LMTK2: variants seen among roughly 807,000 people sequenced by gnomAD.
LMTK2 encodes lemur tail kinase 2.
LMTK2 carries 37 observed loss-of-function variants against 127.5 expected under a neutral mutation model. The observed-to-expected ratio is 0.29, with a 90% CI of 0.22 to 0.38. The LOEUF (loss-of-function observed/expected upper bound fraction) is 0.38, where lower values mean the gene tolerates loss of function less well. LMTK2 is among the 10% of genes least tolerant of loss of function. The pLI is 1.00. For synonymous variants in LMTK2, 819 were observed against 810.1 expected, an observed-to-expected ratio of 1.01 and a Z score of -0.19; for missense variants, 1,694 against 1,920.3, an observed-to-expected ratio of 0.88 and a Z score of 2.20.
chr7:98,112,403 C>G (rs995825110), intron 1 of LMTK2, among the ~76,000 whole-genome samples: 15 of 152,216 alleles, frequency 9.9e-5, no homozygotes, highest in African/African-American at 3.6e-4. Context: ...TAGTTACAGT[C>G]TTGTGAAGGT....
rs374062497 is a variant in LMTK2, at chr7:98,171,554, C to T, written c.671C>T (p.Ala224Val). 20 of 1,613,908 alleles carry T rather than the reference C, an allele frequency of 1.2e-5. No homozygotes were observed. Among genetic ancestry groups the T allele is most frequent in the African/African-American group, 1.3e-5 (1 of 74,944 alleles). ...TGACTTTTGCAGGGTGACCTGAAGG[C>T]GTATCTGCGCAGCGAGCAGGAGCAC... ...FEFCDLGDLK[A>V]YLRSEQEHMR... Residue 224 changes from alanine (A) to valine (V), a missense_variant, in exon 7 of 14, where the codon GCG (alanine) becomes GTG (valine). By Grantham distance (64) the Ala-to-Val change is moderately conservative (BLOSUM62 0). Transcript: ENST00000297293. The surrounding 1 kb of genome is among the most constrained non-coding windows in gnomAD (Gnocchi z 5.1).
At chr7:98,120,913 T>TAA (rs1356391468) in intron 1 of LMTK2, among the ~76,000 whole-genome samples, 3 of 152,200 alleles carry the variant, frequency 2.0e-5, no homozygotes, top group African/African-American at 7.2e-5. Flanking sequence ...CGGGAATCTG[T>TAA]CATCTAACTT....
intron 1 of LMTK2, among the ~76,000 whole-genome samples, chr7:98,124,857 G>C (rs142325678): frequency 6.6e-6 from 1 of 152,280 alleles, no homozygotes; most frequent in East Asian, 1.9e-4. Context: ...TATGGAATTG[G>C]AAGAGTTTAG....
chr7:98,151,993 T>C (rs1319238569), intron 4 of LMTK2, among the ~76,000 whole-genome samples: 1 of 152,124 alleles, frequency 6.6e-6, no homozygotes, highest in Non-Finnish European at 1.5e-5. Flanking sequence ...AAAAAAAAAG[T>C]ATCTGAGACT....
At position 98,136,251 on chromosome 7, in the gene LMTK2, T is replaced by C. The variant is rs183404544; in HGVS notation, c.104-1064T>C. 1.6e-4 allele frequency among the ~76,000 whole-genome samples: 25 copies of C among 152,270 alleles called. No homozygotes were observed. The East Asian group carries it at 4.4e-3, about 27-fold the overall frequency. On this transcript the variant is annotated intron_variant, in intron 1 of 13. Transcript: ENST00000297293. ...ATCCGTGAGTCCATAAGTATATACATGACTGAATAAAATAAATAAGGGGAG... is the reference window on the plus strand; with the variant it reads ...ATCCGTGAGTCCATAAGTATATACACGACTGAATAAAATAAATAAGGGGAG...
At chr7:98,181,356 G>A (rs1309284243) in intron 7 of LMTK2, among the ~76,000 whole-genome samples, 2 of 152,182 alleles carry the variant, frequency 1.3e-5, no homozygotes, top group Admixed American at 6.5e-5. Context: ...GCCCATTGTA[G>A]CCTCCATCTC....
Position 98,159,397 on chromosome 7 carries a change from A to G in LMTK2, c.629A>G (p.Tyr210Cys), listed in dbSNP as rs772966700. The G allele has an allele frequency of 1.2e-6, 2 of 1,611,726 alleles. No homozygotes were observed. Among genetic ancestry groups the G allele is most frequent in the Admixed American group, 1.7e-5 (1 of 59,580 alleles). ...CVGQCVEAIP[Y>C]LLVFEFCDLG... is the part of the protein sequence containing the mutation. ...GGACAGTGCGTAGAAGCGATTCCCT[A>G]CCTCCTGGTGTTTGAGTTCTGTGAC... is the stretch of plus-strand genomic sequence containing the variant. Residue 210 changes from tyrosine to cysteine, a missense_variant, in exon 6 of 14, where the codon TAC becomes TGC. Around this residue, in one of 8 missense-constraint regions of LMTK2, gnomAD observed 203 missense variants for 226.2 expected, o/e 0.90. Coordinates refer to ENST00000297293, the MANE Select transcript of LMTK2 (RefSeq NM_014916.4).
At chr7:98,118,829 A>G (rs1464949267) in intron 1 of LMTK2, among the ~76,000 whole-genome samples, 1 of 152,206 alleles carries the variant, frequency 6.6e-6, no homozygotes, top group Admixed American at 6.5e-5. Context: ...GCAGTGGCTC[A>G]TGCCTGTAAT....
rs1797834761 is a variant in LMTK2 at position 98,207,957 on chromosome 7, TAC to T, written c.*2466_*2467del. On this transcript the variant is annotated 3_prime_UTR_variant, in exon 14 of 14. Transcript: ENST00000297293. ...TACAAAATATATATATATATATATA[TAC>T]TAGCTGGGGCACATAGTGGTGTGCA... 7.6e-6 allele frequency: 1 copy of T among 132,308 alleles called. No homozygotes were observed. Among genetic ancestry groups the T allele is most frequent in the African/African-American group, 2.8e-5 (1 of 35,662 alleles). 8.2% of individuals were successfully genotyped at this position (132,308 alleles called of 1,614,324 possible).
intron 6 of LMTK2, among the ~76,000 whole-genome samples, chr7:98,163,508 G>A (rs17435847): frequency 0.37 from 56,807 of 152,014 alleles, 13,494 homozygotes; most frequent in Middle Eastern, 0.62. Context: ...GGGCAATTTC[G>A]TACATATCAC....
chr7:98,113,594 G>A (rs758439696), intron 1 of LMTK2, among the ~76,000 whole-genome samples: 5 of 152,042 alleles, frequency 3.3e-5, no homozygotes, highest in African/African-American at 4.8e-5. Flanking sequence ...TTTTATAGTC[G>A]ACTAGCAGTG....
intron 11 of LMTK2, among the ~76,000 whole-genome samples, chr7:98,203,207 G>A (rs1257137055): frequency 6.6e-6 from 1 of 152,244 alleles, no homozygotes; most frequent in Non-Finnish European, 1.5e-5. Flanking sequence ...ACTGTGTCCA[G>A]GGCAGTGCCC....
chr7:98,117,753 G>C (rs1364670370), intron 1 of LMTK2, among the ~76,000 whole-genome samples: 2 of 151,970 alleles, frequency 1.3e-5, no homozygotes, highest in Non-Finnish European at 1.5e-5. Flanking sequence ...GATCACTTGA[G>C]GTCAGGAGTT....
At chr7:98,180,659 A>T (rs1352139983) in intron 7 of LMTK2, among the ~76,000 whole-genome samples, 1 of 152,238 alleles carries the variant, frequency 6.6e-6, no homozygotes, top group Non-Finnish European at 1.5e-5. Context: ...AAAGGGCCTG[A>T]CTACAACGCT....
chr7:98,133,506 TAG>T (rs907936651), intron 1 of LMTK2, among the ~76,000 whole-genome samples: 4 of 151,914 alleles, frequency 2.6e-5, no homozygotes, highest in East Asian at 3.9e-4. Flanking sequence ...CATTGCTAAA[TAG>T]AGTTTTTTTT....
Position 98,192,091 on chromosome 7 carries a change from C to A in LMTK2, c.1626C>A (p.Ala542=), listed in dbSNP as rs765130421. The A allele has an allele frequency of 6.4e-7, 1 of 1,564,494 alleles. No individual in the cohort carries two copies. The highest frequency in any genetic ancestry group is 8.6e-7 in the Non-Finnish European group (1 of 1,156,920). ...RVPGVVPVFD[A]HNLSVGSDYY... is the part of the protein sequence containing the mutation. Reference sequence around the variant, plus strand: ...CTGGAGTGGTTCCTGTTTTTGATGCCCACAACCTTTCTGTTGGAAGCGACT... The same window carrying A: ...CTGGAGTGGTTCCTGTTTTTGATGCACACAACCTTTCTGTTGGAAGCGACT... The change falls in exon 11 of 14, where the codon GCC becomes GCA. Residue 542 remains alanine (A), a synonymous_variant. Transcript: ENST00000297293.
At chr7:98,203,872 C>T (rs1562925298) in intron 12 of LMTK2, 72 bp from the exon 13 acceptor site, 6 of 1,596,724 alleles carry the variant, frequency 3.8e-6, no homozygotes, top group Non-Finnish European at 5.1e-6. Flanking sequence ...GCAGGGCGCA[C>T]CTGCCCAGAG....
chr7:98,199,575 G>T (rs2394826), intron 11 of LMTK2, among the ~76,000 whole-genome samples: 8,801 of 152,204 alleles, frequency 0.058, 657 homozygotes, highest in East Asian at 0.36. Context: ...GCTCACTGCA[G>T]CCTTGAGCTC....
chr7:98,186,061 C>CT (rs368390468), intron 8 of LMTK2, among the ~76,000 whole-genome samples: 447 of 144,742 alleles, frequency 3.1e-3, no homozygotes, highest in Non-Finnish European at 3.8e-3. Context: ...TGCATCATCT[C>CT]TTTTTTTTTT....
Sources: gnomAD v4.1 joint callset for allele counts (sites outside exome capture counted in the v4.1 genomes callset) on GRCh38, gnomAD v4.1.1 for gene constraint, gnomAD v4.1.1 regional missense constraint, Gnocchi (gnomAD v3.1) non-coding constraint, MANE v1.5 for transcripts, NCBI Gene and HGNC (gene_info 2026-07-23, HGNC 2026-07-21) for gene names.